UBTD2: variants seen among roughly 807,000 people sequenced by gnomAD.
UBTD2 encodes ubiquitin domain containing 2, also known as ubiquitin domain-containing protein 2.
A neutral mutation model predicts 19.8 loss-of-function variants in UBTD2; 9 were observed. The observed-to-expected ratio is 0.46, with a 90% confidence interval of 0.27 to 0.79. The LOEUF is 0.79. Ranked by LOEUF, UBTD2 falls within the 30% of genes least tolerant of loss-of-function variation. UBTD2 has a pLI of 0.14. For missense variants in UBTD2, 250 were observed against 300.4 expected, an observed-to-expected ratio of 0.83 and a Z score of 1.24; for synonymous variants, 98 against 103.9, an observed-to-expected ratio of 0.94 and a Z score of 0.35.
chr5:172,257,823 GTGTC>G (rs1271273358), intron 1 of UBTD2, among the ~76,000 whole-genome samples: 2 of 152,152 alleles, frequency 1.3e-5, no homozygotes, highest in Non-Finnish European at 2.9e-5. Flanking sequence ...CTTTTGGTAA[GTGTC>G]TGTTCATGTC....
intron 2 of UBTD2, among the ~76,000 whole-genome samples, chr5:172,228,402 T>C (rs1771814988): frequency 6.6e-6 from 1 of 152,188 alleles, no homozygotes; most frequent in Admixed American, 6.5e-5. Context: ...AGGTGATTAT[T>C]ACAGGCATAA....
chr5:172,256,842 A>G (rs1755163316), intron 1 of UBTD2, among the ~76,000 whole-genome samples: 1 of 151,530 alleles, frequency 6.6e-6, no homozygotes, highest in Admixed American at 6.6e-5. Flanking sequence ...AATCGCTTGA[A>G]CCCCGCAGGT....
chr5:172,224,417 G>C (rs1241791576), intron 2 of UBTD2, among the ~76,000 whole-genome samples: 1 of 150,448 alleles, frequency 6.6e-6, no homozygotes, highest in Non-Finnish European at 1.5e-5. Flanking sequence ...CTCAGCCTCA[G>C]GCTCCTGAGA....
chr5:172,275,281 C>T (rs1277780378), intron 1 of UBTD2, among the ~76,000 whole-genome samples: 1 of 152,042 alleles, frequency 6.6e-6, no homozygotes, highest in East Asian at 1.9e-4. Flanking sequence ...GTAACCGCCC[C>T]CATGATTCAA....
In UBTD2 at chr5:172,281,634, A is replaced by AT. The variant is rs147387390; in HGVS notation, c.70+1961dup. Among the ~76,000 whole-genome samples the AT allele has an allele frequency of 5.2e-4, 79 of 151,896 alleles. 1 individual carries two copies. The highest frequency in any genetic ancestry group is 1.4e-3 in the Admixed American group (22 of 15,242). On this transcript the variant is annotated intron_variant, in intron 1 of 2. Coordinates refer to ENST00000393792, the MANE Select transcript of UBTD2 (RefSeq NM_152277.3). Reference sequence around the variant, plus strand: ...CCAACAATCTACTTATTAAGCAATAATTTTTTTTATATGTTAACCTGCAAC... The same window carrying AT: ...CCAACAATCTACTTATTAAGCAATAATTTTTTTTTATATGTTAACCTGCAAC...
intron 1 of UBTD2, among the ~76,000 whole-genome samples, chr5:172,247,987 G>T (rs930074623): frequency 2.6e-5 from 4 of 152,120 alleles, no homozygotes; most frequent in Non-Finnish European, 5.9e-5. Flanking sequence ...TATCTTCTAT[G>T]ATTACATGGA....
chr5:172,258,630 CTTCAGCAGTGTTTTGTAA>C (rs1561862940), intron 1 of UBTD2, among the ~76,000 whole-genome samples: 1 of 152,146 alleles, frequency 6.6e-6, no homozygotes, highest in Non-Finnish European at 1.5e-5. Flanking sequence ...CTCTGATTTC[CTTCAGCAGTGTTTTGTAA>C]TTCTTGTTGT....
In UBTD2 at chr5:172,254,867, T is replaced by C. The variant is rs913703324; in HGVS notation, c.71-20509A>G. 9.7e-6 allele frequency: 5 copies of C among 516,114 alleles called. No individual in the cohort carries two copies. The African/African-American group carries it at 9.8e-5, about 10-fold the overall frequency. The allele number at this position is 516,114 out of a possible 1,614,324, so 32.0% of individuals were successfully genotyped here. ...TTCTTATGATTCAATTACAGGTACT[T>C]GCATGCTACTACTGGAATTTTTCAT... On this transcript the variant is annotated intron_variant, in intron 1 of 2. Coordinates refer to ENST00000393792, the MANE Select transcript of UBTD2 (RefSeq NM_152277.3).
chr5:172,262,913 A>G (rs1017356706), intron 1 of UBTD2, among the ~76,000 whole-genome samples: 6 of 152,128 alleles, frequency 3.9e-5, no homozygotes, highest in African/African-American at 1.4e-4. Context: ...TCAATAAGAT[A>G]CCCTCATATG....
At chr5:172,229,432 T>A (rs370174480) in intron 2 of UBTD2, among the ~76,000 whole-genome samples, 1 of 123,782 alleles carries the variant, frequency 8.1e-6, no homozygotes. Flanking sequence ...ACCCGGGAGG[T>A]GGAGCTTGCA....
chr5:172,263,849 C>CTGTGTGTGTGTGTGTGTGTGTG (rs1234224827), intron 1 of UBTD2, among the ~76,000 whole-genome samples: 19 of 34,148 alleles, frequency 5.6e-4, no homozygotes, highest in African/African-American at 5.1e-3. Flanking sequence ...ATGCACGTGC[C>CTGTGTGTGTGTGTGTGTGTGTG]TCTGTGTGTG....
chr5:172,210,795 C>G lies in UBTD2; in HGVS notation c.*1035G>C, dbSNP rs535597623. 6.6e-6 allele frequency: 1 copy of G among 152,172 alleles called. No individual in the cohort carries two copies. The highest frequency in any genetic ancestry group is 2.1e-4 in the South Asian group (1 of 4,816). 9.4% of individuals were successfully genotyped at this position (152,172 alleles called of 1,614,324 possible). On this transcript the variant is annotated 3_prime_UTR_variant, in exon 3 of 3. Coordinates refer to ENST00000393792, the MANE Select transcript of UBTD2 (RefSeq NM_152277.3). ...AAGACTGAAAATAGGCACAGTTCTCCCAGGCACAGATAAAATAGGCTTTCC... is the reference window on the plus strand; with the variant it reads ...AAGACTGAAAATAGGCACAGTTCTCGCAGGCACAGATAAAATAGGCTTTCC...
In UBTD2 at chr5:172,210,312, T is replaced by A. The variant is rs1408624457; in HGVS notation, c.*1518A>T. 1 of 151,770 alleles carries A rather than the reference T, an allele frequency of 6.6e-6. No individual in the cohort carries two copies. Among genetic ancestry groups the A allele is most frequent in the Non-Finnish European group, 1.5e-5 (1 of 68,042 alleles). 9.4% of individuals were successfully genotyped at this position (151,770 alleles called of 1,614,324 possible). A position where few individuals can be genotyped will look rare whatever the true frequency, so the allele number is the denominator to read the frequency against. On this transcript the variant is annotated 3_prime_UTR_variant, in exon 3 of 3. Transcript: ENST00000393792. Reference sequence around the variant, plus strand: ...AGCAGTTTCATTTTGTCATTAAAATTAATAATGCACTTCACATCCAAACAG... The same window carrying A: ...AGCAGTTTCATTTTGTCATTAAAATAAATAATGCACTTCACATCCAAACAG...
At chr5:172,270,463 C>A (rs1755464503) in intron 1 of UBTD2, among the ~76,000 whole-genome samples, 1 of 146,758 alleles carries the variant, frequency 6.8e-6, no homozygotes, top group African/African-American at 2.6e-5. Context: ...TCAAGCAATT[C>A]CCCCGCCTCA....
rs1771965123 is a variant in UBTD2 at position 172,234,282 on chromosome 5, T to C, written c.147A>G (p.Gln49=). 3.1e-6 allele frequency: 5 copies of C among 1,614,128 alleles called. No individual in the cohort carries two copies. In the South Asian group the frequency reaches 3.3e-5, roughly 11 times the overall value. ...AAAATTCATCCCTCTTGCTGCGTAG[T>C]TGTCCATCTGTCATAGGATAATCGC... is the stretch of plus-strand genomic sequence containing the variant. ...WKSDYPMTDG[Q]LRSKRDEFWD... The change falls in exon 2 of 3, where the codon CAA becomes CAG. Residue 49 remains glutamine, a synonymous_variant. Coordinates refer to ENST00000393792, the MANE Select transcript of UBTD2 (RefSeq NM_152277.3).
intron 1 of UBTD2, among the ~76,000 whole-genome samples, chr5:172,241,052 C>CTTT (rs35160270): frequency 8.1e-5 from 12 of 147,332 alleles, no homozygotes; most frequent in African/African-American, 3.0e-4. Context: ...CATGAGTTAA[C>CTTT]TTTTTTTTTT....
chr5:172,269,657 A>T (rs1456132332), intron 1 of UBTD2, among the ~76,000 whole-genome samples: 1 of 151,692 alleles, frequency 6.6e-6, no homozygotes, highest in Non-Finnish European at 1.5e-5. Context: ...GAAGAATCTT[A>T]GACCAAACTC....
intron 2 of UBTD2, among the ~76,000 whole-genome samples, chr5:172,217,879 T>C (rs1244840333): frequency 6.6e-6 from 1 of 152,128 alleles, no homozygotes; most frequent in Non-Finnish European, 1.5e-5. Context: ...AAGAGATGAA[T>C]CCACTATTAT....
intron 2 of UBTD2, among the ~76,000 whole-genome samples, chr5:172,226,904 T>C (rs532075099): frequency 3.8e-4 from 58 of 152,336 alleles, no homozygotes; most frequent in Non-Finnish European, 5.9e-4. Flanking sequence ...TAAACATAAG[T>C]GAAAAGTGGC....
Sources: allele counts gnomAD v4.1 joint callset (sites outside exome capture counted in the v4.1 genomes callset), GRCh38; gene constraint gnomAD v4.1.1; transcripts MANE v1.5; gene names NCBI Gene and HGNC (gene_info 2026-07-23, HGNC 2026-07-21).